Variants in MLLT10 observed in about 807,000 individuals in gnomAD.
MLLT10 encodes protein AF-10.
MLLT10 carries 30 observed loss-of-function variants against 129.1 expected under a neutral mutation model. That is an observed-to-expected ratio of 0.23 (90% confidence interval 0.17 to 0.32). MLLT10 has a LOEUF of 0.32. Among genes scored for constraint, MLLT10 ranks in the 10% least tolerant of loss-of-function variants. The probability of loss-of-function intolerance (pLI) is 1.00; values close to 1 mark genes in which losing one functional copy is unlikely to be tolerated. For missense variants in MLLT10, 1,119 were observed against 1,268.3 expected (o/e 0.88, Z 1.79); for synonymous variants, 490 against 446.4 (o/e 1.10, Z -1.23).
At chr10:21,580,372 A>G (rs1157048307) in intron 3 of MLLT10, among the ~76,000 whole-genome samples, 1 of 148,576 alleles carries the variant, frequency 6.7e-6, no homozygotes, top group Non-Finnish European at 1.5e-5. Context: ...TCACAGTCCT[A>G]TTAATATATT....
intron 3 of MLLT10, among the ~76,000 whole-genome samples, chr10:21,541,645 C>G (rs936888872): frequency 6.6e-6 from 1 of 152,046 alleles, no homozygotes; most frequent in Non-Finnish European, 1.5e-5. Context: ...TTTGGCCTCC[C>G]GAAGTACTGG....
At chr10:21,666,669 A>T (rs1312054627) in intron 9 of MLLT10, among the ~76,000 whole-genome samples, 1 of 151,582 alleles carries the variant, frequency 6.6e-6, no homozygotes, top group Non-Finnish European at 1.5e-5. Flanking sequence ...CTCAAAAAAA[A>T]AAAATAAATA....
chr10:21,561,505 C>A (rs1564413330), intron 3 of MLLT10, among the ~76,000 whole-genome samples: 1 of 152,230 alleles, frequency 6.6e-6, no homozygotes, highest in Non-Finnish European at 1.5e-5. Context: ...GTGATCCGCC[C>A]ACCTCGGCCT....
chr10:21,614,961 A>C (rs774156882), intron 7 of MLLT10, 37 bp downstream of exon 7: 1 of 1,512,200 alleles, frequency 6.6e-7, no homozygotes, highest in Non-Finnish European at 9.1e-7. Flanking sequence ...AATGATTATG[A>C]TTAGTTTTGA....
chr10:21,726,042 C>T (rs1046654645), intron 14 of MLLT10, among the ~76,000 whole-genome samples: 3 of 152,054 alleles, frequency 2.0e-5, no homozygotes, highest in Admixed American at 1.3e-4. Context: ...TGAGCCACCG[C>T]GCCCGGCCTA....
chr10:21,645,527 T>C (rs1425018156), intron 8 of MLLT10, among the ~76,000 whole-genome samples: 1 of 152,214 alleles, frequency 6.6e-6, no homozygotes. Context: ...TCTTTTTCTT[T>C]CTTATGTTAT....
At chr10:21,613,670 A>G (rs1042059212) in intron 6 of MLLT10, among the ~76,000 whole-genome samples, 6 of 151,094 alleles carry the variant, frequency 4.0e-5, no homozygotes, top group Non-Finnish European at 8.8e-5. Flanking sequence ...TGAGAGACAG[A>G]GGTGGGCAGA....
At chr10:21,556,064 C>A (rs1173072089) in intron 3 of MLLT10, among the ~76,000 whole-genome samples, 1 of 151,812 alleles carries the variant, frequency 6.6e-6, no homozygotes, top group Non-Finnish European at 1.5e-5. Flanking sequence ...CAACCTTCGC[C>A]TCCCGGGTTC....
intron 3 of MLLT10, among the ~76,000 whole-genome samples, chr10:21,571,108 C>G (rs2040151538): frequency 6.6e-6 from 1 of 152,154 alleles, no homozygotes. Context: ...TATGTCATAT[C>G]TACAATGTGA....
intron 4 of MLLT10, among the ~76,000 whole-genome samples, chr10:21,591,764 C>A (rs1432490353): frequency 6.6e-6 from 1 of 151,428 alleles, no homozygotes; most frequent in African/African-American, 2.4e-5. Flanking sequence ...CGGTGTGTTG[C>A]CCAGGCTGGA....
chr10:21,714,501 T>G (rs552646668), intron 14 of MLLT10, among the ~76,000 whole-genome samples: 1 of 152,318 alleles, frequency 6.6e-6, no homozygotes, highest in Non-Finnish European at 1.5e-5. Flanking sequence ...TGACTTCAGA[T>G]TTGTAGTTTG....
intron 3 of MLLT10, among the ~76,000 whole-genome samples, chr10:21,565,519 A>G (rs1332932090): frequency 3.3e-5 from 5 of 151,364 alleles, no homozygotes; most frequent in Admixed American, 6.6e-5. Flanking sequence ...GTGTTGACCA[A>G]GCTGGTCTCG....
chr10:21,598,168 T>C (rs2043190490), intron 5 of MLLT10, among the ~76,000 whole-genome samples: 1 of 152,236 alleles, frequency 6.6e-6, no homozygotes, highest in South Asian at 2.1e-4. Context: ...TGAAGCTTTC[T>C]TTACTTGCTG....
intron 13 of MLLT10, among the ~76,000 whole-genome samples, chr10:21,710,685 C>T (rs1303284028): frequency 6.6e-6 from 1 of 152,214 alleles, no homozygotes; most frequent in African/African-American, 2.4e-5. Flanking sequence ...GACCATGACC[C>T]TGAACCTCTT....
chr10:21,601,133 A>T (rs2043488189), intron 5 of MLLT10, among the ~76,000 whole-genome samples: 1 of 151,964 alleles, frequency 6.6e-6, no homozygotes, highest in African/African-American at 2.4e-5. Context: ...TTTTATAGAG[A>T]TAGGATCTCA....
At chr10:21,639,503 G>C (rs961484324) in intron 8 of MLLT10, among the ~76,000 whole-genome samples, 2 of 152,166 alleles carry the variant, frequency 1.3e-5, no homozygotes, top group Non-Finnish European at 2.9e-5. Context: ...TATTATGAAG[G>C]ATATTACGAA....
chr10:21,665,365 C>T (rs954806429), intron 9 of MLLT10, among the ~76,000 whole-genome samples: 3 of 149,176 alleles, frequency 2.0e-5, no homozygotes, highest in South Asian at 2.1e-4. Flanking sequence ...TTTGGCTTAC[C>T]GCAACCTCCG....
chr10:21,661,233 AAT>A (rs753523724), intron 9 of MLLT10, among the ~76,000 whole-genome samples: 74 of 152,294 alleles, frequency 4.9e-4, no homozygotes, highest in Non-Finnish European at 8.8e-4. Flanking sequence ...CATCTTGGTT[AAT>A]GTTCCATGTA....
chr10:21,575,620 A>T (rs1223503877), intron 3 of MLLT10, among the ~76,000 whole-genome samples: 9 of 152,104 alleles, frequency 5.9e-5, no homozygotes, highest in Non-Finnish European at 1.0e-4. Context: ...TCCATGGGGT[A>T]TGCACCAAGT....
Sources: allele counts gnomAD v4.1 joint callset (sites outside exome capture counted in the v4.1 genomes callset), GRCh38; gene constraint gnomAD v4.1.1; transcripts MANE v1.5; gene names NCBI Gene and HGNC (gene_info 2026-07-23, HGNC 2026-07-21).